The following ARMC3 variants were observed in gnomAD, a reference collection of about 807,000 sequenced individuals.
ARMC3 encodes armadillo repeat containing 3.
Under a neutral mutation model 90.3 loss-of-function variants are expected in ARMC3, and 74 were observed. The observed-to-expected ratio is 0.82, with a 90% CI of 0.68 to 0.99. The LOEUF (loss-of-function observed/expected upper bound fraction) is 0.99, where lower values mean the gene tolerates loss of function less well. Among genes scored for constraint, ARMC3 ranks in the 50% least tolerant of loss-of-function variants. The pLI is 0.00. For synonymous variants in ARMC3, 334 were observed against 361.8 expected (o/e 0.92, Z 0.87); for missense variants, 958 against 1,042.8 (o/e 0.92, Z 1.12).
intron 7 of ARMC3, among the ~76,000 whole-genome samples, chr10:22,965,609 A>G (rs758243542): frequency 1.2e-4 from 19 of 152,128 alleles, no homozygotes; most frequent in Non-Finnish European, 2.5e-4. Flanking sequence ...GTCATTATTT[A>G]TGCAAATATT....
intron 4 of ARMC3, among the ~76,000 whole-genome samples, chr10:22,958,248 G>A (rs189727751): frequency 2.0e-3 from 311 of 152,214 alleles, no homozygotes; most frequent in African/African-American, 7.2e-3. Flanking sequence ...GACAAAAATA[G>A]TATAAAAATG....
chr10:23,005,378 GA>G (rs1837548339), intron 13 of ARMC3, among the ~76,000 whole-genome samples: 1 of 152,144 alleles, frequency 6.6e-6, no homozygotes. Context: ...AACATTTAAC[GA>G]GACAATTTCT....
chr10:23,029,754 A>C (rs1024522763), intron 16 of ARMC3, among the ~76,000 whole-genome samples: 1 of 152,140 alleles, frequency 6.6e-6, no homozygotes, highest in Non-Finnish European at 1.5e-5. Flanking sequence ...TTTTAATTAA[A>C]ATTTCATCTT....
chr10:22,992,756 C>T (rs1339283884), intron 10 of ARMC3, among the ~76,000 whole-genome samples: 1 of 152,070 alleles, frequency 6.6e-6, no homozygotes, highest in East Asian at 1.9e-4. Flanking sequence ...TGGATCATTA[C>T]CTTTGTTGAG....
In ARMC3 at chr10:23,037,604, C is replaced by G; in HGVS notation, c.*125C>G. The G allele has an allele frequency of 3.3e-6, 3 of 915,978 alleles. No individual in the cohort carries two copies. The South Asian group carries it at 8.7e-5, about 27-fold the overall frequency. The allele number at this position is 915,978 out of a possible 1,614,324, so 56.7% of individuals were successfully genotyped here. A position where few individuals can be genotyped will look rare whatever the true frequency, so the allele number is the denominator to read the frequency against. On this transcript the variant is annotated 3_prime_UTR_variant, in exon 19 of 19. Coordinates refer to ENST00000298032, the MANE Select transcript of ARMC3 (RefSeq NM_173081.5). ...TAAATAAAAGTATTAGAAATGTTTT[C>G]TCTGCGTAGAAATTAGGAAGCTTGG...
chr10:23,012,271 A>G (rs981788510), intron 16 of ARMC3, among the ~76,000 whole-genome samples: 4 of 152,190 alleles, frequency 2.6e-5, no homozygotes, highest in African/African-American at 9.7e-5. Context: ...CATAACTGTG[A>G]AACACTCACA....
intron 2 of ARMC3, among the ~76,000 whole-genome samples, chr10:22,933,060 C>G (rs1833988021): frequency 6.6e-6 from 1 of 152,228 alleles, no homozygotes; most frequent in South Asian, 2.1e-4. Context: ...GACTCTGCTT[C>G]TGAGACACAC....
At chr10:22,950,914 G>A (rs1284597938) in intron 3 of ARMC3, among the ~76,000 whole-genome samples, 3 of 150,812 alleles carry the variant, frequency 2.0e-5, no homozygotes, top group Non-Finnish European at 4.4e-5. Flanking sequence ...AAAGGGATCA[G>A]TTAATCAAAA....
chr10:23,036,559 G>A (rs566472155), intron 18 of ARMC3, among the ~76,000 whole-genome samples: 1 of 152,290 alleles, frequency 6.6e-6, no homozygotes, highest in East Asian at 1.9e-4. Flanking sequence ...ATGAAGCCAT[G>A]GAAGCCCAGA....
intron 10 of ARMC3, among the ~76,000 whole-genome samples, chr10:22,986,443 A>T (rs982326640): frequency 6.6e-6 from 1 of 151,160 alleles, no homozygotes; most frequent in Admixed American, 6.6e-5. Context: ...TCCCAGCTAC[A>T]TGGGAGGCTG....
intron 8 of ARMC3, among the ~76,000 whole-genome samples, chr10:22,968,895 A>C (rs1292620708): frequency 1.3e-5 from 2 of 152,230 alleles, no homozygotes; most frequent in Non-Finnish European, 2.9e-5. Flanking sequence ...ACCATTTGAG[A>C]ATAGTGCTAT....
chr10:22,981,537 G>C, intron 9 of ARMC3, 45 bp downstream of exon 9: 2 of 1,613,020 alleles, frequency 1.2e-6, no homozygotes, highest in Non-Finnish European at 1.7e-6. Context: ...TTAGGTTACC[G>C]TATTTTAGTG....
chr10:23,002,766 GT>G (rs1837368303), intron 12 of ARMC3, among the ~76,000 whole-genome samples: 1 of 151,816 alleles, frequency 6.6e-6, no homozygotes, highest in African/African-American at 2.4e-5. Flanking sequence ...TACAAACAAG[GT>G]TTTGCCGTGT....
At chr10:22,977,458 C>T (rs1588871828) in intron 8 of ARMC3, among the ~76,000 whole-genome samples, 1 of 152,308 alleles carries the variant, frequency 6.6e-6, no homozygotes, top group African/African-American at 2.4e-5. Flanking sequence ...AGCAGAACCT[C>T]CATTTCCCAG....
chr10:22,977,501 T>C (rs576039547), intron 8 of ARMC3, among the ~76,000 whole-genome samples: 1 of 152,312 alleles, frequency 6.6e-6, no homozygotes, highest in Admixed American at 6.5e-5. Flanking sequence ...CAACTGCCCA[T>C]CTGTATTAAA....
rs200818580 is a variant in ARMC3 at position 22,981,449 on chromosome 10, A to G, written c.1026A>G (p.Ala342=). ...TTGCTGCTTCCCAAGCTATTTCAGC[A>G]ATGTGTGAGAATTCAGGCAGCAAAG... The part of the protein sequence containing the change: ...TKIAASQAIS[A]MCENSGSKDF... Residue 342 remains alanine, a synonymous_variant, in exon 9 of 19, where the codon GCA becomes GCG. Transcript: ENST00000298032. 1.6e-5 allele frequency: 26 copies of G among 1,614,050 alleles called. No individual in the cohort carries two copies. The East Asian group carries it at 5.8e-4, about 36-fold the overall frequency.
chr10:23,014,396 C>T, intron 16 of ARMC3: 3 of 1,193,260 alleles, frequency 2.5e-6, no homozygotes, highest in Non-Finnish European at 3.1e-6. Context: ...TGTCCTGTTG[C>T]CTGTCTTTTG....
chr10:23,010,523 C>T (rs1837912178), intron 16 of ARMC3, among the ~76,000 whole-genome samples: 2 of 73,578 alleles, frequency 2.7e-5, no homozygotes, highest in African/African-American at 5.5e-5. Flanking sequence ...TCCCATCTCT[C>T]CTGTCTCCCT....
intron 16 of ARMC3, among the ~76,000 whole-genome samples, chr10:23,028,669 T>C (rs1204827034): frequency 2.0e-5 from 3 of 152,198 alleles, no homozygotes; most frequent in Non-Finnish European, 4.4e-5. Flanking sequence ...GTCATTCCCA[T>C]GTCAGTTGAA....
Sources: gnomAD v4.1 joint callset for allele counts (sites outside exome capture counted in the v4.1 genomes callset) on GRCh38, gnomAD v4.1.1 for gene constraint, MANE v1.5 for transcripts, NCBI Gene and HGNC (gene_info 2026-07-23, HGNC 2026-07-21) for gene names.